Variants in ENPEP observed in about 807,000 individuals in gnomAD.
The protein encoded by ENPEP is glutamyl aminopeptidase.
ENPEP carries 103 observed loss-of-function variants against 114.5 expected under a neutral mutation model. The observed-to-expected ratio is 0.90, with a 90% confidence interval of 0.77 to 1.06. The LOEUF is 1.06. Ranked by LOEUF, ENPEP falls within the 50% of genes least tolerant of loss-of-function variation. ENPEP has a pLI of 0.00. For synonymous variants in ENPEP, 420 were observed against 422.0 expected (o/e 1.00, Z 0.06); for missense variants, 1,196 against 1,161.3 (o/e 1.03, Z -0.43).
intron 11 of ENPEP, among the ~76,000 whole-genome samples, chr4:110,534,600 TG>T (rs1039887838): frequency 7.6e-6 from 1 of 132,368 alleles, no homozygotes; most frequent in African/African-American, 2.8e-5. Context: ...GTCCGCCCCC[TG>T]GGTTCAAGTG....
At chr4:110,518,391 C>T (rs1280469229) in intron 8 of ENPEP, among the ~76,000 whole-genome samples, 4 of 152,226 alleles carry the variant, frequency 2.6e-5, no homozygotes, top group Admixed American at 6.5e-5. Flanking sequence ...AAACATTGTT[C>T]GTTTCCTTTT....
rs1335564546 is a variant in ENPEP, at chr4:110,563,503, CTGTT to C, written c.*1947_*1950del. 6.6e-6 allele frequency: 1 copy of C among 152,070 alleles called. No homozygotes were observed. Among genetic ancestry groups the C allele is most frequent in the African/African-American group, 2.4e-5 (1 of 41,406 alleles). 9.4% of individuals were successfully genotyped at this position (152,070 alleles called of 1,614,324 possible). A position where few individuals can be genotyped will look rare whatever the true frequency, so the allele number is the denominator to read the frequency against. ...CCATCAGGTCCTTCTCAAACAACAC[CTGTT>C]TTTTAAAAGGCTGATGCCTAATAGA... On this transcript the variant is annotated 3_prime_UTR_variant, in exon 20 of 20. Coordinates refer to ENST00000265162, the MANE Select transcript of ENPEP (RefSeq NM_001977.4).
At chr4:110,479,251 G>A (rs890549467) in intron 1 of ENPEP, among the ~76,000 whole-genome samples, 12 of 152,046 alleles carry the variant, frequency 7.9e-5, no homozygotes, top group Non-Finnish European at 1.2e-4. Flanking sequence ...CAAATGATTC[G>A]ATGGATACAT....
intron 3 of ENPEP, among the ~76,000 whole-genome samples, chr4:110,498,515 GT>G (rs1725030903): frequency 6.6e-6 from 1 of 152,128 alleles, no homozygotes; most frequent in South Asian, 2.1e-4. Flanking sequence ...GGAACAAGAC[GT>G]ATAAACAGGT....
chr4:110,505,146 A>G (rs1725327088), intron 3 of ENPEP, among the ~76,000 whole-genome samples: 1 of 152,176 alleles, frequency 6.6e-6, no homozygotes, highest in African/African-American at 2.4e-5. Flanking sequence ...TAGACGGTTA[A>G]TTCCCTTTAC....
chr4:110,491,155 T>G lies in ENPEP; in HGVS notation c.909T>G (p.Ser303Arg). The change falls in exon 3 of 20, where the codon AGT becomes AGG. Residue 303 changes from serine to arginine, a missense_variant. By Grantham distance (110) the Ser-to-Arg change is moderately radical. Transcript: ENST00000265162. ...ACTCTGTAAAGAGAATATCAAATAG[T>G]GGAAAACCTGTGAGTCTCATTATAT... ...QFDSVKRISN[S>R]GKPLTIYVQP... 1 of 1,603,974 alleles carries G rather than the reference T, an allele frequency of 6.2e-7. No individual in the cohort carries two copies.
chr4:110,521,244 C>T (rs1313350088), intron 10 of ENPEP, among the ~76,000 whole-genome samples: 1 of 152,080 alleles, frequency 6.6e-6, no homozygotes, highest in African/African-American at 2.4e-5. Context: ...GTAGTTCATG[C>T]TTGTAGTCCT....
At chr4:110,561,377 A>G (rs1181134448) in intron 19 of ENPEP, 29 bp from the exon 20 acceptor site, 3 of 1,604,818 alleles carry the variant, frequency 1.9e-6, no homozygotes, top group Non-Finnish European at 2.5e-6. Context: ...TATAAATGAC[A>G]ATCCTAATTA....
At chr4:110,560,279 A>G (rs923752803) in intron 19 of ENPEP, among the ~76,000 whole-genome samples, 12 of 152,216 alleles carry the variant, frequency 7.9e-5, no homozygotes, top group Admixed American at 3.9e-4. Flanking sequence ...TTATAGTAGA[A>G]TGATTTATAA....
intron 4 of ENPEP, 95 bp from the exon 5 acceptor site, chr4:110,509,558 T>C (rs1578400783): frequency 1.4e-6 from 2 of 1,462,608 alleles, no homozygotes. Flanking sequence ...TTTAGGCTTT[T>C]AAAAAACATT....
In ENPEP at chr4:110,476,813, G is replaced by A. The variant is rs779101906; in HGVS notation, c.399G>A (p.Trp133Ter). The change falls in exon 1 of 20, where the codon TGG becomes TGA. Residue 133 changes from tryptophan (W) to a stop codon, truncating the protein, a stop_gained. Coordinates refer to ENST00000265162, the MANE Select transcript of ENPEP (RefSeq NM_001977.4). LOFTEE classifies it high-confidence loss of function. ...INLSAPTRYL[W>*]LHLRETRITR... ...TGAGCGCTCCCACCCGGTACCTGTGGCTGCACCTCCGGGAGACCAGGATCA... is the reference window on the plus strand; with the variant it reads ...TGAGCGCTCCCACCCGGTACCTGTGACTGCACCTCCGGGAGACCAGGATCA... 6.2e-7 allele frequency: 1 copy of A among 1,614,148 alleles called. No individual in the cohort carries two copies. Among genetic ancestry groups the A allele is most frequent in the East Asian group, 2.2e-5 (1 of 44,866 alleles).
intron 1 of ENPEP, among the ~76,000 whole-genome samples, chr4:110,487,109 C>G (rs1314825886): frequency 6.6e-6 from 1 of 152,138 alleles, no homozygotes; most frequent in Non-Finnish European, 1.5e-5. Context: ...ATATCTCAAG[C>G]ATTAATCTTA....
intron 1 of ENPEP, among the ~76,000 whole-genome samples, chr4:110,477,722 C>T (rs1724165535): frequency 6.6e-6 from 1 of 152,112 alleles, no homozygotes; most frequent in South Asian, 2.1e-4. Context: ...AATTTGGAGG[C>T]TTGTTGCTCA....
intron 11 of ENPEP, among the ~76,000 whole-genome samples, chr4:110,538,287 T>A (rs573748799): frequency 6.6e-6 from 1 of 152,344 alleles, no homozygotes; most frequent in African/African-American, 2.4e-5. Flanking sequence ...ATGATCTTAG[T>A]TAGATCTTCT....
At chr4:110,479,966 TTTGAG>T (rs1450296111) in intron 1 of ENPEP, among the ~76,000 whole-genome samples, 1 of 152,236 alleles carries the variant, frequency 6.6e-6, no homozygotes, top group Non-Finnish European at 1.5e-5. Context: ...ACTCTCACTC[TTTGAG>T]TTATTTTAGT....
intron 10 of ENPEP, among the ~76,000 whole-genome samples, chr4:110,528,294 G>A (rs1726273980): frequency 6.6e-6 from 1 of 152,130 alleles, no homozygotes; most frequent in South Asian, 2.1e-4. Flanking sequence ...AAAATCCGTA[G>A]TAGCTCCTGA....
At chr4:110,505,599 T>G (rs1725344598) in intron 3 of ENPEP, among the ~76,000 whole-genome samples, 2 of 152,042 alleles carry the variant, frequency 1.3e-5, no homozygotes, top group Admixed American at 1.3e-4. Context: ...ATAAAGAGAG[T>G]GGGCAATATT....
rs1560547944 is a variant in ENPEP, at chr4:110,476,560, G to A, written c.146G>A (p.Gly49Asp). Residue 49 changes from glycine to aspartate, a missense_variant, in exon 1 of 20, where the codon GGC becomes GAC. Transcript: ENST00000265162. ...AGATCGTGTGACTCCAGCGGGGACG[G>A]CGGGCCGGGCACTGCGCCAGCTCCT... ...LTRSCDSSGD[G>D]GPGTAPAPSH... The A allele has an allele frequency of 1.2e-6, 2 of 1,613,082 alleles. No individual in the cohort carries two copies. Among genetic ancestry groups the A allele is most frequent in the Non-Finnish European group, 1.7e-6 (2 of 1,179,268 alleles).
At chr4:110,552,254 GA>G (rs1727319300) in intron 17 of ENPEP, among the ~76,000 whole-genome samples, 1 of 152,156 alleles carries the variant, frequency 6.6e-6, no homozygotes, top group South Asian at 2.1e-4. Context: ...AGTACATGCT[GA>G]ACTATAGACC....
Sources: gnomAD v4.1 joint callset for allele counts (sites outside exome capture counted in the v4.1 genomes callset) on GRCh38, gnomAD v4.1.1 for gene constraint, MANE v1.5 for transcripts, NCBI Gene and HGNC (gene_info 2026-07-23, HGNC 2026-07-21) for gene names.